SPPL2A: variants seen among roughly 807,000 people sequenced by gnomAD.
SPPL2A encodes signal peptide peptidase-like 2A.
SPPL2A carries 51 observed loss-of-function variants against 63.8 expected under a neutral mutation model. The ratio of observed to expected loss-of-function variants is 0.80; its 90% CI spans 0.64 to 1.01. SPPL2A has a LOEUF of 1.01. Among genes scored for constraint, SPPL2A ranks in the 50% least tolerant of loss-of-function variants. SPPL2A has a pLI of 0.00. For synonymous variants in SPPL2A, 188 were observed against 205.8 expected, an observed-to-expected ratio of 0.91 and a Z score of 0.74; for missense variants, 553 against 622.7, an observed-to-expected ratio of 0.89 and a Z score of 1.19.
At chr15:50,755,751 T>C (rs2062952515) in intron 1 of SPPL2A, among the ~76,000 whole-genome samples, 1 of 151,700 alleles carries the variant, frequency 6.6e-6, no homozygotes, top group Non-Finnish European at 1.5e-5. Flanking sequence ...CTTCTGGAGA[T>C]TCTGACATCA....
At chr15:50,750,010 G>A (rs891329583) in intron 1 of SPPL2A, among the ~76,000 whole-genome samples, 23 of 152,226 alleles carry the variant, frequency 1.5e-4, no homozygotes, top group African/African-American at 3.9e-4. Flanking sequence ...TATAAGGGCC[G>A]TACCCCAGGG....
intron 5 of SPPL2A, among the ~76,000 whole-genome samples, chr15:50,743,473 G>A (rs577576224): frequency 6.6e-6 from 1 of 152,072 alleles, no homozygotes; most frequent in South Asian, 2.1e-4. Flanking sequence ...AGCCTCCTGA[G>A]TAGCTAGGAC....
intron 1 of SPPL2A, among the ~76,000 whole-genome samples, chr15:50,753,905 T>A (rs2062931349): frequency 6.6e-6 from 1 of 152,148 alleles, no homozygotes; most frequent in Admixed American, 6.6e-5. Context: ...CAAGCAATTG[T>A]CCTGCCTCAG....
At chr15:50,749,836 A>T (rs755557350) in intron 1 of SPPL2A, 90 bp from the exon 2 acceptor site, 5 of 781,624 alleles carry the variant, frequency 6.4e-6, no homozygotes, top group Non-Finnish European at 1.1e-5. Context: ...TGCAGGGTTG[A>T]TCACATTTCC....
intron 6 of SPPL2A, among the ~76,000 whole-genome samples, chr15:50,738,433 C>T (rs983854185): frequency 1.3e-5 from 2 of 151,526 alleles, no homozygotes; most frequent in Non-Finnish European, 2.9e-5. Context: ...CCTGTAATCC[C>T]AGCTACTCAG....
At chr15:50,740,187 G>A (rs1294653918) in intron 5 of SPPL2A, among the ~76,000 whole-genome samples, 3 of 152,010 alleles carry the variant, frequency 2.0e-5, no homozygotes, top group Non-Finnish European at 1.5e-5. Context: ...CCAGCACTTT[G>A]GGAGGCTGAG....
intron 10 of SPPL2A, among the ~76,000 whole-genome samples, chr15:50,729,996 T>TA (rs10658387): frequency 4.1e-5 from 6 of 146,936 alleles, no homozygotes; most frequent in African/African-American, 9.9e-5. Context: ...CTCGGCCTTT[T>TA]AAAAAAAAAG....
intron 1 of SPPL2A, among the ~76,000 whole-genome samples, chr15:50,751,940 C>T (rs1230394331): frequency 1.3e-5 from 2 of 152,086 alleles, no homozygotes; most frequent in African/African-American, 4.8e-5. Flanking sequence ...AAGCAATTCT[C>T]CTGCTTCAGC....
intron 2 of SPPL2A, 27 bp from the exon 3 acceptor site, chr15:50,748,897 A>G (rs2062882292): frequency 1.4e-6 from 2 of 1,481,214 alleles, no homozygotes; most frequent in Non-Finnish European, 1.8e-6. Context: ...TCTTTTTAAC[A>G]TGTTAAAAAT....
chr15:50,749,958 G>T, intron 1 of SPPL2A: 1 of 564,132 alleles, frequency 1.8e-6, no homozygotes, highest in East Asian at 3.0e-5. Context: ...CTTTAAGGAA[G>T]ATAGGTCACT....
At chr15:50,725,159 C>T in intron 12 of SPPL2A, 62 bp downstream of exon 12, 3 of 975,740 alleles carry the variant, frequency 3.1e-6, no homozygotes, top group South Asian at 1.4e-5. Flanking sequence ...AGATTCTATA[C>T]ATATGACGAT....
At chr15:50,762,810 G>T (rs1264833166) in intron 1 of SPPL2A, among the ~76,000 whole-genome samples, 1 of 148,148 alleles carries the variant, frequency 6.8e-6, no homozygotes, top group Non-Finnish European at 1.5e-5. Flanking sequence ...TTGGCTTACT[G>T]CAACCTCTGC....
chr15:50,743,626 T>A (rs1437349702), intron 5 of SPPL2A, among the ~76,000 whole-genome samples: 1 of 152,006 alleles, frequency 6.6e-6, no homozygotes, highest in African/African-American at 2.4e-5. Context: ...GGATTACAAG[T>A]GTGAGCCACC....
At chr15:50,743,903 A>C (rs2062839488) in intron 5 of SPPL2A, among the ~76,000 whole-genome samples, 1 of 152,030 alleles carries the variant, frequency 6.6e-6, no homozygotes. Context: ...TGCCAGGCGC[A>C]GTGGCTCACA....
chr15:50,752,026 T>C (rs1160908983), intron 1 of SPPL2A, among the ~76,000 whole-genome samples: 3 of 151,944 alleles, frequency 2.0e-5, no homozygotes, highest in African/African-American at 7.3e-5. Context: ...AGACGGGGTT[T>C]TGTCACGCTG....
At chr15:50,737,062 C>A (rs192339497) in intron 6 of SPPL2A, among the ~76,000 whole-genome samples, 2 of 152,010 alleles carry the variant, frequency 1.3e-5, no homozygotes, top group South Asian at 2.1e-4. Flanking sequence ...TACAGGCATG[C>A]GCCACCATAC....
At chr15:50,743,734 G>A (rs1157983796) in intron 5 of SPPL2A, among the ~76,000 whole-genome samples, 1 of 152,050 alleles carries the variant, frequency 6.6e-6, no homozygotes. Context: ...AAATTTACAT[G>A]GTAATGGAAG....
At chr15:50,726,004 C>T in intron 11 of SPPL2A, 2 of 1,060,450 alleles carry the variant, frequency 1.9e-6, no homozygotes, top group Non-Finnish European at 2.5e-6. Flanking sequence ...TTTTTTCCCC[C>T]AAAGAAGAGT....
rs1377265502 is a variant in SPPL2A, at chr15:50,731,120, A to C, written c.1015-81T>G. 1.6e-5 allele frequency: 10 copies of C among 637,186 alleles called. No individual in the cohort carries two copies. In the Admixed American group the frequency reaches 2.6e-4, roughly 17 times the overall value. 39.5% of individuals were successfully genotyped at this position (637,186 alleles called of 1,614,324 possible). ...ATTAAATTGTTTTTCAAGTGCAAAT[A>C]AATATATGAATATACATTTAAATAT... On this transcript the variant is annotated intron_variant, in intron 9 of 14. Transcript: ENST00000261854.
Sources: allele counts gnomAD v4.1 joint callset (sites outside exome capture counted in the v4.1 genomes callset), GRCh38; gene constraint gnomAD v4.1.1; transcripts MANE v1.5; gene names NCBI Gene and HGNC (gene_info 2026-07-23, HGNC 2026-07-21).